The following PLS1 variants were observed in gnomAD, a reference collection of about 807,000 sequenced individuals.
The protein encoded by PLS1 is plastin 1, also known as plastin-1.
Under a neutral mutation model 73.7 loss-of-function variants are expected in PLS1, and 32 were observed. The ratio of observed to expected loss-of-function variants is 0.43; its 90% CI spans 0.33 to 0.58. PLS1 has a LOEUF of 0.58. Among genes scored for constraint, PLS1 ranks in the 20% least tolerant of loss-of-function variants. The pLI is 0.04. For synonymous variants in PLS1, 217 were observed against 261.3 expected (o/e 0.83, Z 1.63); for missense variants, 633 against 740.5 (o/e 0.85, Z 1.68).
At chr3:142,633,806 A>G (rs2036618818) in intron 1 of PLS1, among the ~76,000 whole-genome samples, 1 of 152,224 alleles carries the variant, frequency 6.6e-6, no homozygotes. Context: ...ATCCAGTAAA[A>G]AATTACCAGG....
chr3:142,624,575 A>C lies in PLS1; in HGVS notation c.-37+28066A>C, dbSNP rs550739298. Among the ~76,000 whole-genome samples the C allele has an allele frequency of 3.9e-5, 6 of 152,344 alleles. No homozygotes were observed. The South Asian group carries it at 1.0e-3, about 26-fold the overall frequency. ...TTTACATAGACCCCAGTGCCAAAGA[A>C]TTAAAGAGTCTTGAGTTTTCTTAAA... On this transcript the variant is annotated intron_variant, in intron 1 of 15. Coordinates refer to ENST00000457734, the MANE Select transcript of PLS1 (RefSeq NM_001145319.2).
At chr3:142,707,159 T>A (rs1311208839) in intron 14 of PLS1, among the ~76,000 whole-genome samples, 2 of 152,172 alleles carry the variant, frequency 1.3e-5, no homozygotes, top group East Asian at 3.8e-4. Context: ...GATAAAATCT[T>A]TAAAGAGAGT....
At chr3:142,613,764 C>T (rs2036164619) in intron 1 of PLS1, among the ~76,000 whole-genome samples, 1 of 152,126 alleles carries the variant, frequency 6.6e-6, no homozygotes, top group Non-Finnish European at 1.5e-5. Flanking sequence ...TGATTCAAGA[C>T]AAGAAAAGAT....
At chr3:142,657,145 G>A (rs2107808084) in intron 1 of PLS1, 1 of 152,350 alleles carries the variant, frequency 6.6e-6, no homozygotes, top group Middle Eastern at 3.4e-3. Flanking sequence ...GGCTACCTGG[G>A]AAACACCCCT....
chr3:142,648,009 C>T (rs573794809), intron 1 of PLS1, among the ~76,000 whole-genome samples: 1 of 152,240 alleles, frequency 6.6e-6, no homozygotes, highest in African/African-American at 2.4e-5. Flanking sequence ...ATGTGTTTGC[C>T]ATTGCTGTCA....
intron 2 of PLS1, among the ~76,000 whole-genome samples, chr3:142,665,116 C>CCCT: frequency 6.6e-6 from 1 of 151,916 alleles, no homozygotes; most frequent in East Asian, 1.9e-4. Context: ...TGTAATAGAG[C>CCCT]CCTCCATGAA....
chr3:142,705,793 C>T lies in PLS1; in HGVS notation c.1629+1207C>T, dbSNP rs142509452. Among the ~76,000 whole-genome samples, 591 of 152,282 alleles carry T rather than the reference C, an allele frequency of 3.9e-3. 7 individuals carry two copies. The highest frequency in any genetic ancestry group is 0.013 in the African/African-American group (540 of 41,554). On this transcript the variant is annotated intron_variant, in intron 14 of 15. Transcript: ENST00000457734. ...GTTTGCCAAAAACTAAGACCCAAAACGGTTTTAACAGGACAGCTGGATATT... is the reference window on the plus strand; with the variant it reads ...GTTTGCCAAAAACTAAGACCCAAAATGGTTTTAACAGGACAGCTGGATATT...
chr3:142,698,962 T>C lies in PLS1; in HGVS notation c.1371+895T>C, dbSNP rs190238592. On this transcript the variant is annotated intron_variant, in intron 12 of 15. Coordinates refer to ENST00000457734, the MANE Select transcript of PLS1 (RefSeq NM_001145319.2). ...TAATAAAATTGATACACCCATAAGA[T>C]GAAGTAAAATGTGCCATTAAAAATA... is the stretch of plus-strand genomic sequence containing the variant. Among the ~76,000 whole-genome samples, 191 of 152,098 alleles carry C rather than the reference T, an allele frequency of 1.3e-3. 4 individuals carry two copies. Among genetic ancestry groups the C allele is most frequent in the Admixed American group, 0.012 (179 of 15,300 alleles).
chr3:142,614,980 T>C lies in PLS1; in HGVS notation c.-37+18471T>C, dbSNP rs182955963. Among the ~76,000 whole-genome samples, 87 of 151,950 alleles carry C rather than the reference T, an allele frequency of 5.7e-4. 3 individuals carry two copies. In the East Asian group the frequency reaches 0.016, roughly 27 times the overall value. On this transcript the variant is annotated intron_variant, in intron 1 of 15. Transcript: ENST00000457734. Reference sequence around the variant, plus strand: ...ATACTACGGGTCTCAAGGCAGGGTGTCATTTGAAAATTGAGACAGAGAAGC... The same window carrying C: ...ATACTACGGGTCTCAAGGCAGGGTGCCATTTGAAAATTGAGACAGAGAAGC...
At chr3:142,608,038 G>T (rs1379082554) in intron 1 of PLS1, among the ~76,000 whole-genome samples, 2 of 151,940 alleles carry the variant, frequency 1.3e-5, no homozygotes, top group African/African-American at 4.8e-5. Flanking sequence ...TAGAGACAGG[G>T]TCTGCCATGT....
intron 5 of PLS1, among the ~76,000 whole-genome samples, chr3:142,676,630 G>A (rs2037731946): frequency 1.3e-5 from 2 of 152,124 alleles, no homozygotes; most frequent in African/African-American, 4.8e-5. Flanking sequence ...GACTGGAATG[G>A]GACATGAGGA....
chr3:142,711,308 T>C (rs906091341), intron 14 of PLS1, among the ~76,000 whole-genome samples, 193 bp from the exon 15 acceptor site: 7 of 152,270 alleles, frequency 4.6e-5, no homozygotes, highest in Admixed American at 3.9e-4. Context: ...CAACTCTATA[T>C]TATATATAAA....
At chr3:142,623,024 T>C (rs2036345904) in intron 1 of PLS1, among the ~76,000 whole-genome samples, 1 of 152,190 alleles carries the variant, frequency 6.6e-6, no homozygotes, top group African/African-American at 2.4e-5. Context: ...ACAGGAGTTA[T>C]CATAGCACGC....
chr3:142,599,487 G>C (rs941848605), intron 1 of PLS1, among the ~76,000 whole-genome samples: 1 of 151,394 alleles, frequency 6.6e-6, no homozygotes, highest in Non-Finnish European at 1.5e-5. Flanking sequence ...CCGCCACCGC[G>C]CCCGGCTAAT....
chr3:142,635,538 G>A (rs1366395622), intron 1 of PLS1, among the ~76,000 whole-genome samples: 1 of 152,146 alleles, frequency 6.6e-6, no homozygotes, highest in Non-Finnish European at 1.5e-5. Context: ...GGGAGGCGAA[G>A]GTTGCAGTGA....
At chr3:142,617,146 ATTT>A (rs71871118) in intron 1 of PLS1, among the ~76,000 whole-genome samples, 2 of 144,550 alleles carry the variant, frequency 1.4e-5, no homozygotes, top group Admixed American at 7.0e-5. Flanking sequence ...GATTAGGAAG[ATTT>A]TTTTTTTTTT....
At chr3:142,683,286 CGAGGTCAG>C (rs2037893398) in intron 6 of PLS1, among the ~76,000 whole-genome samples, 1 of 152,144 alleles carries the variant, frequency 6.6e-6, no homozygotes, top group African/African-American at 2.4e-5. Flanking sequence ...GGGCAGATTA[CGAGGTCAG>C]GAGATCTAGA....
chr3:142,673,569 A>G (rs2037653465), intron 4 of PLS1: 1 of 152,202 alleles, frequency 6.6e-6, no homozygotes, highest in Non-Finnish European at 1.5e-5. Flanking sequence ...ATTTTTAAAG[A>G]ACTGCCAAAT....
At chr3:142,695,796 A>G (rs1278291409) in intron 11 of PLS1, among the ~76,000 whole-genome samples, 2 of 135,176 alleles carry the variant, frequency 1.5e-5, no homozygotes, top group East Asian at 4.4e-4. Flanking sequence ...TTATTTATTT[A>G]TTTATTTATT....
Sources: gnomAD v4.1 joint callset for allele counts (sites outside exome capture counted in the v4.1 genomes callset) on GRCh38, gnomAD v4.1.1 for gene constraint, MANE v1.5 for transcripts, NCBI Gene and HGNC (gene_info 2026-07-23, HGNC 2026-07-21) for gene names.